Variants in NPAS2 observed in about 807,000 individuals in gnomAD.
NPAS2 encodes neuronal PAS domain protein 2, also known as neuronal PAS domain-containing protein 2.
Under a neutral mutation model 107.5 loss-of-function variants are expected in NPAS2, and 23 were observed. The observed-to-expected ratio is 0.21, with a 90% CI of 0.15 to 0.30. NPAS2 has a LOEUF of 0.30. NPAS2 is among the 10% of genes least tolerant of loss of function. The pLI, the probability that NPAS2 is intolerant of heterozygous loss-of-function variation, is 1.00. For missense variants in NPAS2, 756 were observed against 1,043.3 expected, an observed-to-expected ratio of 0.72 and a Z score of 3.79; for synonymous variants, 403 against 417.5, an observed-to-expected ratio of 0.97 and a Z score of 0.42.
chr2:100,923,523 T>C (rs1275370711), intron 2 of NPAS2, among the ~76,000 whole-genome samples: 1 of 152,148 alleles, frequency 6.6e-6, no homozygotes, highest in Non-Finnish European at 1.5e-5. Flanking sequence ...CTGTTACCTA[T>C]AGATACTTAC....
At chr2:100,995,183 G>A (rs568641070) in intron 20 of NPAS2, 273 of 471,822 alleles carry the variant, frequency 5.8e-4, no homozygotes, top group Non-Finnish European at 8.8e-4. Flanking sequence ...CACTATTGGC[G>A]GAGAACTTAG....
At chr2:100,981,658 G>A (rs763517728) in intron 15 of NPAS2, among the ~76,000 whole-genome samples, 8 of 152,108 alleles carry the variant, frequency 5.3e-5, no homozygotes, top group Non-Finnish European at 8.8e-5. Flanking sequence ...ACAGATTTCC[G>A]AGACGTGCAT....
At chr2:100,872,786 A>T (rs910844387) in intron 1 of NPAS2, among the ~76,000 whole-genome samples, 1 of 151,970 alleles carries the variant, frequency 6.6e-6, no homozygotes, top group African/African-American at 2.4e-5. Flanking sequence ...TTGTCTGCTA[A>T]CTCTGTTTAC....
At chr2:100,969,358 C>T (rs1196293957) in intron 11 of NPAS2, among the ~76,000 whole-genome samples, 2 of 152,110 alleles carry the variant, frequency 1.3e-5, no homozygotes, top group Admixed American at 1.3e-4. Flanking sequence ...TGTCCCCTAC[C>T]ACCACCCCTG....
chr2:100,900,338 C>T (rs909585363), intron 1 of NPAS2, among the ~76,000 whole-genome samples: 1 of 152,110 alleles, frequency 6.6e-6, no homozygotes, highest in Non-Finnish European at 1.5e-5. Context: ...GAAAAGTGCT[C>T]TGCATCATTA....
In NPAS2 at chr2:100,847,412, C is replaced by T. The variant is rs374106424; in HGVS notation, c.-23+26998C>T. 5.3e-5 allele frequency among the ~76,000 whole-genome samples: 8 copies of T among 152,180 alleles called. No homozygotes were observed. The East Asian group carries it at 1.5e-3, about 29-fold the overall frequency. On this transcript the variant is annotated intron_variant, in intron 1 of 20. Coordinates refer to ENST00000335681, the MANE Select transcript of NPAS2 (RefSeq NM_002518.4). ...TGAGACGGAGTCTCGCTCTTTCGCC[C>T]AGGCTGGAGTGCAGTGGTGTGATCT...
intron 1 of NPAS2, chr2:100,878,135 C>A (rs758090208): frequency 4.4e-4 from 435 of 985,274 alleles, no homozygotes; most frequent in Non-Finnish European, 5.1e-4. Context: ...AGACAAGCAG[C>A]CTGTGACAGA....
rs1677495632 is a variant in NPAS2, at chr2:100,982,320, G to A, written c.1572G>A (p.Gln524=). Residue 524 remains glutamine (Q), a synonymous_variant, in exon 16 of 21, where the codon CAG becomes CAA. Coordinates refer to ENST00000335681, the MANE Select transcript of NPAS2 (RefSeq NM_002518.4). ...RILQANIRWQ[Q]EELHKIQEQL... is the part of the protein sequence containing the mutation. Reference sequence around the variant, plus strand: ...TGCAGGCCAATATCCGGTGGCAACAGGAAGAGCTCCACAAGATCCAGGAGC... The same window carrying A: ...TGCAGGCCAATATCCGGTGGCAACAAGAAGAGCTCCACAAGATCCAGGAGC... 6 of 1,614,200 alleles carry A rather than the reference G, an allele frequency of 3.7e-6. No individual in the cohort carries two copies. The highest frequency in any genetic ancestry group is 4.2e-6 in the Non-Finnish European group (5 of 1,180,040).
chr2:100,926,530 A>G (rs1181249588), intron 3 of NPAS2, among the ~76,000 whole-genome samples: 1 of 152,190 alleles, frequency 6.6e-6, no homozygotes, highest in African/African-American at 2.4e-5. Flanking sequence ...GAATTTCCCA[A>G]TAACTGATCA....
At chr2:100,966,608 G>C (rs1048919650) in intron 10 of NPAS2, among the ~76,000 whole-genome samples, 3 of 45,010 alleles carry the variant, frequency 6.7e-5, no homozygotes, top group African/African-American at 2.5e-4. Context: ...TTTTTTTTTT[G>C]AGACAGACAG....
intron 1 of NPAS2, among the ~76,000 whole-genome samples, chr2:100,847,581 A>G (rs1443659886): frequency 6.6e-6 from 1 of 152,198 alleles, no homozygotes; most frequent in Admixed American, 6.5e-5. Context: ...CATGTTAGCC[A>G]GGATGGTCTC....
At chr2:100,905,286 G>A (rs1297148850) in intron 2 of NPAS2, among the ~76,000 whole-genome samples, 3 of 152,060 alleles carry the variant, frequency 2.0e-5, no homozygotes, top group Non-Finnish European at 4.4e-5. Flanking sequence ...TTCCTCGGCT[G>A]TAGATTGGAG....
chr2:100,866,250 T>C (rs1679246253), intron 1 of NPAS2, among the ~76,000 whole-genome samples: 1 of 152,206 alleles, frequency 6.6e-6, no homozygotes, highest in Admixed American at 6.5e-5. Context: ...TCTCCTTGGA[T>C]ACTCCTGACA....
intron 2 of NPAS2, among the ~76,000 whole-genome samples, chr2:100,905,596 C>T (rs534910654): frequency 3.3e-5 from 5 of 152,116 alleles, no homozygotes; most frequent in East Asian, 1.9e-4. Context: ...GGCCCAGCCA[C>T]GAGCCTTGGC....
chr2:100,852,250 A>C (rs1349707896), intron 1 of NPAS2, among the ~76,000 whole-genome samples: 2 of 152,034 alleles, frequency 1.3e-5, no homozygotes, highest in African/African-American at 4.8e-5. Context: ...ACAAAAAATT[A>C]GCCGGGCGTG....
chr2:100,962,546 C>T (rs140447611), intron 7 of NPAS2, among the ~76,000 whole-genome samples: 25 of 152,294 alleles, frequency 1.6e-4, no homozygotes, highest in African/African-American at 5.8e-4. Flanking sequence ...TTGAGAAGGC[C>T]AGTGCCTGGG....
At chr2:100,828,664 A>G (rs1201915309) in intron 1 of NPAS2, among the ~76,000 whole-genome samples, 3 of 152,202 alleles carry the variant, frequency 2.0e-5, no homozygotes, top group South Asian at 4.1e-4. Context: ...TCCTTTCCCC[A>G]TTGCTTATTT....
At chr2:100,912,212 C>T (rs1030479504) in intron 2 of NPAS2, among the ~76,000 whole-genome samples, 8 of 134,154 alleles carry the variant, frequency 6.0e-5, no homozygotes, top group African/African-American at 1.9e-4. Context: ...GTTCAGTTTG[C>T]TCCATTTATT....
chr2:100,922,666 C>T (rs1330432387), intron 2 of NPAS2, among the ~76,000 whole-genome samples: 1 of 152,142 alleles, frequency 6.6e-6, no homozygotes, highest in Non-Finnish European at 1.5e-5. Context: ...GTGTGGTGGT[C>T]TCGGGGCCTG....
Sources: allele counts gnomAD v4.1 joint callset (sites outside exome capture counted in the v4.1 genomes callset), GRCh38; gene constraint gnomAD v4.1.1; transcripts MANE v1.5; gene names NCBI Gene and HGNC (gene_info 2026-07-23, HGNC 2026-07-21).